The following ANKRD44 variants were observed in gnomAD, a reference collection of about 807,000 sequenced individuals.
ANKRD44 encodes the protein ankyrin repeat domain 44.
ANKRD44 carries 35 observed loss-of-function variants against 116.0 expected under a neutral mutation model. That is an observed-to-expected ratio of 0.30 (90% CI 0.23 to 0.40). The LOEUF (loss-of-function observed/expected upper bound fraction) is 0.40, where lower values mean the gene tolerates loss of function less well. Among genes scored for constraint, ANKRD44 ranks in the 10% least tolerant of loss-of-function variants. ANKRD44 has a pLI of 1.00. For synonymous variants in ANKRD44, 435 were observed against 461.8 expected, an observed-to-expected ratio of 0.94 and a Z score of 0.74; for missense variants, 1,014 against 1,242.6, an observed-to-expected ratio of 0.82 and a Z score of 2.77.
intron 10 of ANKRD44, among the ~76,000 whole-genome samples, chr2:197,093,217 T>C (rs1180276940): frequency 6.6e-6 from 1 of 151,858 alleles, no homozygotes; most frequent in Non-Finnish European, 1.5e-5. Flanking sequence ...TTATGTAAAA[T>C]AATACAAGCA....
intron 1 of ANKRD44, among the ~76,000 whole-genome samples, chr2:197,267,889 T>C (rs2082784033): frequency 6.6e-6 from 1 of 152,026 alleles, no homozygotes; most frequent in African/African-American, 2.4e-5. Flanking sequence ...AAGGTAGAAA[T>C]CACAACTTGG....
At chr2:197,070,742 G>A (rs750569360) in intron 16 of ANKRD44, among the ~76,000 whole-genome samples, 7 of 151,966 alleles carry the variant, frequency 4.6e-5, no homozygotes, top group Non-Finnish European at 8.8e-5. Context: ...TAATATCAAG[G>A]TATTACCTTC....
intron 1 of ANKRD44, among the ~76,000 whole-genome samples, chr2:197,207,181 GC>G (rs1163665199): frequency 6.6e-6 from 1 of 152,206 alleles, no homozygotes; most frequent in Non-Finnish European, 1.5e-5. Flanking sequence ...TGGCCACAGA[GC>G]AAGCAACTGG....
chr2:197,040,124 A>G (rs961397283), intron 16 of ANKRD44, among the ~76,000 whole-genome samples: 4 of 151,994 alleles, frequency 2.6e-5, no homozygotes, highest in African/African-American at 9.7e-5. Flanking sequence ...CTATAGTCTC[A>G]GCTACTCAGG....
intron 4 of ANKRD44, among the ~76,000 whole-genome samples, chr2:197,131,735 G>A (rs996344033): frequency 3.3e-5 from 5 of 152,160 alleles, no homozygotes; most frequent in African/African-American, 1.2e-4. Context: ...CTGCATGCCT[G>A]GTTATCTCCC....
chr2:197,139,624 TATATAG>T (rs974708012), intron 3 of ANKRD44, among the ~76,000 whole-genome samples: 11 of 151,858 alleles, frequency 7.2e-5, no homozygotes, highest in Admixed American at 2.0e-4. Flanking sequence ...TCCTTAAAAA[TATATAG>T]ATATAGATAT....
chr2:197,289,832 T>C (rs1197537552), intron 1 of ANKRD44, among the ~76,000 whole-genome samples: 1 of 152,090 alleles, frequency 6.6e-6, no homozygotes, highest in Non-Finnish European at 1.5e-5. Context: ...AGTGGATGCA[T>C]GCCATTTCAT....
chr2:197,258,397 A>C (rs1399396969), intron 1 of ANKRD44, among the ~76,000 whole-genome samples: 1 of 147,800 alleles, frequency 6.8e-6, no homozygotes, highest in Non-Finnish European at 1.5e-5. Flanking sequence ...TGCTGGGATT[A>C]CTTTGGGAAT....
intron 17 of ANKRD44, among the ~76,000 whole-genome samples, chr2:197,020,200 C>T (rs981864675): frequency 6.6e-6 from 1 of 152,166 alleles, no homozygotes; most frequent in Non-Finnish European, 1.5e-5. Context: ...GTACATCAGG[C>T]TATGACACTT....
At chr2:197,116,161 G>C (rs2078702154) in intron 8 of ANKRD44, among the ~76,000 whole-genome samples, 1 of 152,162 alleles carries the variant, frequency 6.6e-6, no homozygotes, top group Non-Finnish European at 1.5e-5. Context: ...CTGACCACTG[G>C]TCAGTTAACT....
Position 197,089,964 on chromosome 2 carries a change from T to C in ANKRD44, c.1169A>G (p.Lys390Arg). ...ALNAHSDCCR[K>R]LLSSGFEIDT... ...GATTTACTTACCCGATGATAACAACTTTCTGCAGCAGTCAGAGTGAGCATT... is the reference window on the plus strand; with the variant it reads ...GATTTACTTACCCGATGATAACAACCTTCTGCAGCAGTCAGAGTGAGCATT... Residue 390 changes from lysine (K) to arginine (R), a missense_variant, in exon 11 of 28, where the codon AAG becomes AGG. By Grantham distance (26) the Lys-to-Arg change is conservative. Transcript: ENST00000282272. 6.2e-7 allele frequency: 1 copy of C among 1,613,966 alleles called. No individual in the cohort carries two copies. The highest frequency in any genetic ancestry group is 8.5e-7 in the Non-Finnish European group (1 of 1,179,900).
chr2:197,072,582 A>G (rs1574402495), intron 16 of ANKRD44, among the ~76,000 whole-genome samples: 2 of 152,358 alleles, frequency 1.3e-5, no homozygotes, highest in Admixed American at 1.3e-4. Flanking sequence ...TTGATGTTTT[A>G]TCACTAAATA....
intron 9 of ANKRD44, among the ~76,000 whole-genome samples, chr2:197,108,950 G>A (rs1442544899): frequency 1.3e-5 from 2 of 152,192 alleles, no homozygotes; most frequent in African/African-American, 4.8e-5. Context: ...CATGGCTCTT[G>A]CAGAGGCCAA....
chr2:197,178,871 T>A (rs1317022065), intron 2 of ANKRD44, among the ~76,000 whole-genome samples: 2 of 152,222 alleles, frequency 1.3e-5, no homozygotes, highest in Non-Finnish European at 2.9e-5. Flanking sequence ...GTTGTCTCAA[T>A]GCCATTTATT....
intron 16 of ANKRD44, among the ~76,000 whole-genome samples, chr2:197,026,360 G>A (rs1393972430): frequency 6.6e-6 from 1 of 152,234 alleles, no homozygotes; most frequent in Admixed American, 6.5e-5. Flanking sequence ...CTCGAGGGGA[G>A]ATTAGTTTGT....
chr2:197,141,782 C>T (rs1179922599), intron 3 of ANKRD44, among the ~76,000 whole-genome samples: 10 of 152,172 alleles, frequency 6.6e-5, no homozygotes, highest in Admixed American at 2.6e-4. Flanking sequence ...TGAATGGAGA[C>T]GCAAGAAGCA....
chr2:197,201,150 T>A lies in ANKRD44; in HGVS notation c.28-14044A>T, dbSNP rs1219242145. The stretch of plus-strand genomic sequence containing the variant: ...TGCCACAGAGAAGTCTATGATTCTC[T>A]CTTTTTCATTACCCATCCCAGTTTA... On this transcript the variant is annotated intron_variant, in intron 1 of 27. Transcript: ENST00000282272. This position sits in a 1 kb window ranked among gnomAD's most constrained non-coding sequence, Gnocchi z 4.0. Among the ~76,000 whole-genome samples, 2 of 152,198 alleles carry A rather than the reference T, an allele frequency of 1.3e-5. No individual in the cohort carries two copies. The highest frequency in any genetic ancestry group is 2.9e-5 in the Non-Finnish European group (2 of 68,030).
At chr2:197,151,361 T>G (rs1477981279) in intron 2 of ANKRD44, among the ~76,000 whole-genome samples, 2 of 152,058 alleles carry the variant, frequency 1.3e-5, no homozygotes, top group Non-Finnish European at 2.9e-5. Flanking sequence ...CACAGAAGAA[T>G]GAGATGGAGA....
At chr2:197,254,164 G>A (rs1308074956) in intron 1 of ANKRD44, among the ~76,000 whole-genome samples, 7 of 152,136 alleles carry the variant, frequency 4.6e-5, no homozygotes, top group African/African-American at 1.4e-4. Flanking sequence ...AGGCCAAGGC[G>A]GGCAGATCAC....
Sources: gnomAD v4.1 joint callset for allele counts (sites outside exome capture counted in the v4.1 genomes callset) on GRCh38, gnomAD v4.1.1 for gene constraint, Gnocchi (gnomAD v3.1) non-coding constraint, MANE v1.5 for transcripts, NCBI Gene and HGNC (gene_info 2026-07-23, HGNC 2026-07-21) for gene names.